SMAD3: variants seen among roughly 807,000 people sequenced by gnomAD.
SMAD3 encodes the protein MAD homolog 3.
A neutral mutation model predicts 51.8 loss-of-function variants in SMAD3; 12 were observed. The observed-to-expected ratio is 0.23, with a 90% confidence interval of 0.15 to 0.38. The LOEUF (loss-of-function observed/expected upper bound fraction) is 0.38, where lower values mean the gene tolerates loss of function less well. Ranked by LOEUF, SMAD3 falls within the 10% of genes least tolerant of loss-of-function variation. SMAD3 has a pLI of 1.00. For missense variants in SMAD3, 294 were observed against 565.6 expected (o/e 0.52, Z 4.87); for synonymous variants, 238 against 227.7 (o/e 1.05, Z -0.41).
At chr15:67,091,501 G>A (rs1173149844) in intron 1 of SMAD3, among the ~76,000 whole-genome samples, 1 of 152,222 alleles carries the variant, frequency 6.6e-6, no homozygotes, top group African/African-American at 2.4e-5. Context: ...CATTGTGGCT[G>A]TGGCCATGGT....
At position 67,181,471 on chromosome 15, in the gene SMAD3, T is replaced by TGGGCCCCCCCCC; in HGVS notation, c.871+18_871+19insGGGCCCCCCCCC. The TGGGCCCCCCCCC allele has an allele frequency of 6.6e-7, 1 of 1,521,118 alleles. No individual in the cohort carries two copies. The allele number at this position is 1,521,118 out of a possible 1,614,324, so 94.2% of individuals were successfully genotyped here. On this transcript the variant is annotated intron_variant, in intron 6 of 8. Transcript: ENST00000327367. ...ACACATCGGTATGGGGTGGCTCCAT[T>TGGGCCCCCCCCC]CCCCGCCCCCCCACCCTGCCCCTGC...
intron 1 of SMAD3, among the ~76,000 whole-genome samples, chr15:67,127,879 C>T (rs554619517): frequency 3.6e-4 from 55 of 152,324 alleles, no homozygotes; most frequent in African/African-American, 1.3e-3. Flanking sequence ...GGGAGACTAT[C>T]AATGAAGCTG....
rs77773620 is a variant in SMAD3 at position 67,094,991 on chromosome 15, T to G, written c.206+28631T>G. Among the ~76,000 whole-genome samples the G allele has an allele frequency of 1.1e-3, 167 of 152,326 alleles. 4 individuals are homozygous for G. In the East Asian group the frequency reaches 0.03, roughly 27 times the overall value. On this transcript the variant is annotated intron_variant, in intron 1 of 8. Coordinates refer to ENST00000327367, the MANE Select transcript of SMAD3 (RefSeq NM_005902.4). ...CGCCACTTCCCTGAGCCTCAGTTTC[T>G]CCAGCAGTAAAATGTTACCTGTCTG... is the stretch of plus-strand genomic sequence containing the variant.
Position 67,190,618 on chromosome 15 carries a change from C to A in SMAD3, c.*82C>A. 7.0e-7 allele frequency: 1 copy of A among 1,422,258 alleles called. No individual in the cohort carries two copies. The allele number at this position is 1,422,258 out of a possible 1,614,324, so 88.1% of individuals were successfully genotyped here. A position where few individuals can be genotyped will look rare whatever the true frequency, so the allele number is the denominator to read the frequency against. ...GGAGAAAATTGGAACTCTACTCAAC[C>A]CATTGTTGTCAAGGAAGAAGAAATC... On this transcript the variant is annotated 3_prime_UTR_variant, in exon 9 of 9. Coordinates refer to ENST00000327367, the MANE Select transcript of SMAD3 (RefSeq NM_005902.4).
At chr15:67,131,658 C>CCT (rs1004002585) in intron 1 of SMAD3, among the ~76,000 whole-genome samples, 8 of 152,126 alleles carry the variant, frequency 5.3e-5, no homozygotes, top group African/African-American at 1.7e-4. Context: ...TCAGTCCCAG[C>CCT]CTCTCTCTCG....
chr15:67,126,728 C>T (rs1340253373), intron 1 of SMAD3, among the ~76,000 whole-genome samples: 2 of 152,150 alleles, frequency 1.3e-5, no homozygotes, highest in South Asian at 2.1e-4. Flanking sequence ...AAATGTTTGT[C>T]GGATGAGTAT....
At chr15:67,126,960 T>C (rs1961405193) in intron 1 of SMAD3, among the ~76,000 whole-genome samples, 1 of 152,278 alleles carries the variant, frequency 6.6e-6, no homozygotes, top group African/African-American at 2.4e-5. Context: ...TGGGCACTCA[T>C]TAGAGGGCAG....
intron 1 of SMAD3, among the ~76,000 whole-genome samples, chr15:67,117,782 A>G (rs541526880): frequency 8.3e-4 from 126 of 152,368 alleles, no homozygotes; most frequent in African/African-American, 3.0e-3. Context: ...GAGAATGTAC[A>G]GAACTCTCTA....
chr15:67,184,758 G>A lies in SMAD3; in HGVS notation c.903G>A (p.Gly301=). 3 of 1,614,068 alleles carry A rather than the reference G, an allele frequency of 1.9e-6. No individual in the cohort carries two copies. Among genetic ancestry groups the A allele is most frequent in the African/African-American group, 1.3e-5 (1 of 75,058 alleles). ...GRGVRLYYIG[G]EVFAECLSDS... ...GCGTGCGGCTCTACTACATCGGAGG[G>A]GAGGTCTTCGCAGAGTGCCTCAGTG... Residue 301 remains glycine, a synonymous_variant, in exon 7 of 9, where the codon GGG becomes GGA. Transcript: ENST00000327367.
At chr15:67,170,465 T>C in intron 4 of SMAD3, 89 bp from the exon 5 acceptor site, 1 of 1,070,716 alleles carries the variant, frequency 9.3e-7, no homozygotes, top group Non-Finnish European at 1.5e-6. Context: ...TGTGTTGGGC[T>C]ACCCCTCCTT....
intron 1 of SMAD3, among the ~76,000 whole-genome samples, chr15:67,121,845 C>T (rs937973971): frequency 3.3e-5 from 5 of 152,226 alleles, no homozygotes; most frequent in Admixed American, 1.3e-4. Flanking sequence ...AACTTTGTGT[C>T]CCACCACTGT....
intron 5 of SMAD3, among the ~76,000 whole-genome samples, chr15:67,175,506 C>G (rs1465476159): frequency 6.6e-6 from 1 of 152,184 alleles, no homozygotes; most frequent in African/African-American, 2.4e-5. Context: ...CATAGTTCTC[C>G]CTCCCTACTG....
chr15:67,130,544 C>T (rs1961499814), intron 1 of SMAD3, among the ~76,000 whole-genome samples: 1 of 152,188 alleles, frequency 6.6e-6, no homozygotes, highest in African/African-American at 2.4e-5. Flanking sequence ...ATATCAGAAT[C>T]TAATGCCTGA....
At chr15:67,164,296 CAG>C (rs1430265103) in intron 1 of SMAD3, among the ~76,000 whole-genome samples, 5 of 129,172 alleles carry the variant, frequency 3.9e-5, no homozygotes, top group African/African-American at 1.2e-4. Flanking sequence ...GCCTGGGCAA[CAG>C]AGCGAGACTC....
Position 67,184,717 on chromosome 15 carries a change from ATC to A in SMAD3, c.872-6_872-5del, listed in dbSNP as rs1963174213. ...AGGCACCCTGTCCAGTCTAACCTGA[ATC>A]TCTGTAGGAAGAGGCGTGCGGCTCT... On this transcript the variant is annotated splice_region_variant and splice_polypyrimidine_tract_variant and intron_variant, in intron 6 of 8. Coordinates refer to ENST00000327367, the MANE Select transcript of SMAD3 (RefSeq NM_005902.4). 1.2e-6 allele frequency: 2 copies of A among 1,613,884 alleles called. No individual in the cohort carries two copies. The highest frequency in any genetic ancestry group is 1.1e-5 in the South Asian group (1 of 91,072).
intron 1 of SMAD3, among the ~76,000 whole-genome samples, chr15:67,157,291 A>G (rs1962308366): frequency 6.6e-6 from 1 of 152,244 alleles, no homozygotes; most frequent in Non-Finnish European, 1.5e-5. Flanking sequence ...GGGATATGGT[A>G]GGTATTCAAT....
chr15:67,069,071 C>G (rs185067940), intron 1 of SMAD3, among the ~76,000 whole-genome samples: 1 of 152,196 alleles, frequency 6.6e-6, no homozygotes, highest in East Asian at 1.9e-4. Context: ...TGTGTTTTGG[C>G]TAATATATAA....
intron 5 of SMAD3, among the ~76,000 whole-genome samples, 186 bp from the exon 6 acceptor site, chr15:67,181,055 C>T (rs1963038930): frequency 6.6e-6 from 1 of 152,230 alleles, no homozygotes; most frequent in South Asian, 2.1e-4. Flanking sequence ...GGAATCTCCT[C>T]CAGACACCTG....
At chr15:67,170,482 T>C in intron 4 of SMAD3, 72 bp from the exon 5 acceptor site, 1 of 1,243,094 alleles carries the variant, frequency 8.0e-7, no homozygotes, top group Non-Finnish European at 1.2e-6. Context: ...CCTTGATATG[T>C]AAGTGTTTAG....
Sources: allele counts gnomAD v4.1 joint callset (sites outside exome capture counted in the v4.1 genomes callset), GRCh38; gene constraint gnomAD v4.1.1; transcripts MANE v1.5; gene names NCBI Gene and HGNC (gene_info 2026-07-23, HGNC 2026-07-21).